Variants in VWA3B observed in about 807,000 individuals in gnomAD.
VWA3B encodes von Willebrand factor A domain containing 3B, also known as von Willebrand factor A domain-containing protein 3B.
VWA3B carries 138 observed loss-of-function variants against 158.3 expected under a neutral mutation model. That is an observed-to-expected ratio of 0.87 (90% CI 0.76 to 1.00). The LOEUF is 1.00. VWA3B is among the 50% of genes least tolerant of loss of function. The pLI, the probability that VWA3B is intolerant of heterozygous loss-of-function variation, is 0.00. For synonymous variants in VWA3B, 596 were observed against 587.3 expected (o/e 1.01, Z -0.21); for missense variants, 1,555 against 1,565.1 (o/e 0.99, Z 0.11).
chr2:98,172,863 G>T (rs1679712545), intron 8 of VWA3B, among the ~76,000 whole-genome samples: 1 of 152,192 alleles, frequency 6.6e-6, no homozygotes, highest in South Asian at 2.1e-4. Context: ...GACTATGTAG[G>T]TGGAGAATTC....
At chr2:98,216,245 CAT>C (rs749521639) in intron 13 of VWA3B, among the ~76,000 whole-genome samples, 15 of 152,236 alleles carry the variant, frequency 9.9e-5, no homozygotes, top group Non-Finnish European at 1.8e-4. Flanking sequence ...AAAAGGGAAT[CAT>C]ATACACATTG....
At chr2:98,123,372 C>G (rs1201741764) in intron 5 of VWA3B, among the ~76,000 whole-genome samples, 1 of 152,212 alleles carries the variant, frequency 6.6e-6, no homozygotes, top group Admixed American at 6.5e-5. Context: ...AGTCCCGTTT[C>G]TATACCAAGC....
At chr2:98,293,425 A>C (rs1000435121) in intron 23 of VWA3B, among the ~76,000 whole-genome samples, 4 of 152,192 alleles carry the variant, frequency 2.6e-5, no homozygotes, top group Non-Finnish European at 4.4e-5. Context: ...CCATGAACCT[A>C]GTTTTTGTGC....
intron 25 of VWA3B, among the ~76,000 whole-genome samples, chr2:98,301,515 A>C (rs1690191609): frequency 6.6e-6 from 1 of 152,206 alleles, no homozygotes; most frequent in Non-Finnish European, 1.5e-5. Flanking sequence ...AAGATGTAAA[A>C]GATCTGTGTG....
chr2:98,227,525 T>C (rs1353287591), intron 14 of VWA3B, among the ~76,000 whole-genome samples: 1 of 152,226 alleles, frequency 6.6e-6, no homozygotes, highest in Non-Finnish European at 1.5e-5. Context: ...TTGTGGTATT[T>C]AATAAATAGT....
At chr2:98,294,756 C>T (rs1370370609) in intron 23 of VWA3B, among the ~76,000 whole-genome samples, 2 of 152,192 alleles carry the variant, frequency 1.3e-5, no homozygotes, top group African/African-American at 4.8e-5. Flanking sequence ...GGAACACTTT[C>T]TCAGGTGTGA....
intron 12 of VWA3B, chr2:98,207,201 G>A (rs1683097536): frequency 1.8e-6 from 1 of 549,442 alleles, no homozygotes. Flanking sequence ...ACTACCAAGA[G>A]GAGATCTATC....
chr2:98,122,018 C>T (rs1002041713), intron 5 of VWA3B: 1 of 152,402 alleles, frequency 6.6e-6, no homozygotes, highest in Non-Finnish European at 1.5e-5. Flanking sequence ...GCTGATGACT[C>T]CATCCATTTT....
Position 98,194,493 on chromosome 2 carries a change from G to T in VWA3B, c.1737+1G>T, listed in dbSNP as rs777081173. 6.2e-7 allele frequency: 1 copy of T among 1,613,590 alleles called. No homozygotes were observed. Among genetic ancestry groups the T allele is most frequent in the South Asian group, 1.1e-5 (1 of 91,032 alleles). ...TCAGTCCTGGATTAGAGACATAAAGGTAAGTTGGAGACTAAGCTGGGAGAA... is the reference window on the plus strand; with the variant it reads ...TCAGTCCTGGATTAGAGACATAAAGTTAAGTTGGAGACTAAGCTGGGAGAA... On this transcript the variant is annotated splice_donor_variant, in intron 12 of 27. Coordinates refer to ENST00000477737, the MANE Select transcript of VWA3B (RefSeq NM_144992.5). LOFTEE classifies it high-confidence loss of function.
At chr2:98,252,177 G>T (rs1011284496) in intron 20 of VWA3B, among the ~76,000 whole-genome samples, 1 of 152,122 alleles carries the variant, frequency 6.6e-6, no homozygotes, top group Non-Finnish European at 1.5e-5. Context: ...CACAGCTTCT[G>T]CAGGGGCGGT....
At chr2:98,180,271 C>A (rs1041895993) in intron 8 of VWA3B, among the ~76,000 whole-genome samples, 1 of 151,926 alleles carries the variant, frequency 6.6e-6, no homozygotes, top group African/African-American at 2.4e-5. Flanking sequence ...CTCGGCTCAC[C>A]GCAACCTCCG....
At chr2:98,316,947 C>A (rs1691101590), downstream of VWA3B, among the ~76,000 whole-genome samples, 1 of 152,330 alleles carries the variant, frequency 6.6e-6, no homozygotes, top group African/African-American at 2.4e-5. Flanking sequence ...TCCTGCGGAA[C>A]CATGAGCCAA....
At chr2:98,317,716 A>G (rs1691117883), downstream of VWA3B, among the ~76,000 whole-genome samples, 1 of 152,204 alleles carries the variant, frequency 6.6e-6, no homozygotes, top group East Asian at 1.9e-4. Flanking sequence ...TCTTAAAGGT[A>G]TTTAATTGAT....
intron 6 of VWA3B, among the ~76,000 whole-genome samples, chr2:98,129,130 C>G (rs758822711): frequency 2.0e-5 from 3 of 152,084 alleles, no homozygotes; most frequent in Non-Finnish European, 2.9e-5. Context: ...CTGGTGAGGT[C>G]TCTCTCCCCG....
At chr2:98,202,414 T>A (rs569038472) in intron 12 of VWA3B, among the ~76,000 whole-genome samples, 1 of 152,268 alleles carries the variant, frequency 6.6e-6, no homozygotes, top group African/African-American at 2.4e-5. Flanking sequence ...AGAGCTTTTT[T>A]TATTTTTCTT....
At chr2:98,100,678 G>A (rs1416153057) in intron 2 of VWA3B, among the ~76,000 whole-genome samples, 2 of 152,198 alleles carry the variant, frequency 1.3e-5, no homozygotes, top group East Asian at 3.9e-4. Flanking sequence ...ATGTGGATCT[G>A]CCTGCTGCTG....
rs754520589 is a variant in VWA3B at position 98,230,208 on chromosome 2, G to A, written c.2308+1G>A. On this transcript the variant is annotated splice_donor_variant, in intron 16 of 27. Coordinates refer to ENST00000477737, the MANE Select transcript of VWA3B (RefSeq NM_144992.5). LOFTEE classifies it high-confidence loss of function. ...CAGAAAAAGAAAGTCCTTCACGCAG[G>A]TATCAGTGAACAAAATGGCTTGACT... 1 of 1,554,120 alleles carries A rather than the reference G, an allele frequency of 6.4e-7. No individual in the cohort carries two copies. The highest frequency in any genetic ancestry group is 8.6e-7 in the Non-Finnish European group (1 of 1,157,108).
chr2:98,253,296 T>A (rs1423345101), intron 20 of VWA3B, among the ~76,000 whole-genome samples: 1 of 152,144 alleles, frequency 6.6e-6, no homozygotes, highest in East Asian at 1.9e-4. Flanking sequence ...AAAACAACCT[T>A]TGTGTAATCA....
chr2:98,281,044 C>G (rs1688848457), intron 22 of VWA3B, among the ~76,000 whole-genome samples: 1 of 152,212 alleles, frequency 6.6e-6, no homozygotes, highest in Non-Finnish European at 1.5e-5. Context: ...CCATGGGCCA[C>G]TCGCTCCCCG....
Sources: allele counts gnomAD v4.1 joint callset (sites outside exome capture counted in the v4.1 genomes callset), GRCh38; gene constraint gnomAD v4.1.1; transcripts MANE v1.5; gene names NCBI Gene and HGNC (gene_info 2026-07-23, HGNC 2026-07-21).